The following ADAMTSL3 variants were observed in gnomAD, a reference collection of about 807,000 sequenced individuals.
ADAMTSL3 encodes ADAMTS like 3.
In ADAMTSL3, 128 loss-of-function variants were observed where a neutral mutation model predicts 201.7. That is an observed-to-expected ratio of 0.63 (90% CI 0.55 to 0.73). The LOEUF (loss-of-function observed/expected upper bound fraction) is 0.73, where lower values mean the gene tolerates loss of function less well. Among genes scored for constraint, ADAMTSL3 ranks in the 30% least tolerant of loss-of-function variants. The pLI is 0.00. For synonymous variants in ADAMTSL3, 738 were observed against 748.4 expected (o/e 0.99, Z 0.23); for missense variants, 1,990 against 2,119.6 (o/e 0.94, Z 1.20).
At chr15:83,717,024 T>C (rs2062029316) in intron 3 of ADAMTSL3, among the ~76,000 whole-genome samples, 1 of 152,226 alleles carries the variant, frequency 6.6e-6, no homozygotes, top group African/African-American at 2.4e-5. Flanking sequence ...AATAGAGCTA[T>C]GATATATTGT....
chr15:83,745,340 G>A (rs2062527947), intron 3 of ADAMTSL3, among the ~76,000 whole-genome samples: 1 of 152,206 alleles, frequency 6.6e-6, no homozygotes, highest in African/African-American at 2.4e-5. Flanking sequence ...GGATGCTAAA[G>A]GCTGTCATGC....
chr15:83,756,600 C>G (rs1024538133), intron 3 of ADAMTSL3, among the ~76,000 whole-genome samples: 18 of 50,908 alleles, frequency 3.5e-4, no homozygotes, highest in Non-Finnish European at 6.8e-4. Flanking sequence ...TTCACCCCTG[C>G]CCCCCCCCCA....
chr15:83,690,617 T>A (rs911075722), intron 2 of ADAMTSL3, among the ~76,000 whole-genome samples: 1 of 152,200 alleles, frequency 6.6e-6, no homozygotes, highest in Admixed American at 6.5e-5. Flanking sequence ...TTCTTCCCTG[T>A]CTTGGATAGT....
chr15:84,001,543 C>T (rs891966616), intron 23 of ADAMTSL3, among the ~76,000 whole-genome samples: 9 of 152,134 alleles, frequency 5.9e-5, no homozygotes, highest in Non-Finnish European at 8.8e-5. Context: ...CTGTGTGACT[C>T]CAAAGGAGCT....
At chr15:83,714,250 T>C (rs1365116041) in intron 3 of ADAMTSL3, among the ~76,000 whole-genome samples, 1 of 152,170 alleles carries the variant, frequency 6.6e-6, no homozygotes, top group Non-Finnish European at 1.5e-5. Context: ...TCAATGAAAC[T>C]GGTAGCCTGA....
chr15:83,884,565 G>A (rs1330267363), intron 9 of ADAMTSL3, among the ~76,000 whole-genome samples: 2 of 151,988 alleles, frequency 1.3e-5, no homozygotes, highest in African/African-American at 4.8e-5. Context: ...GTGAGCCACC[G>A]TGCCTGGCCC....
chr15:83,724,315 G>A (rs540470849), intron 3 of ADAMTSL3, among the ~76,000 whole-genome samples: 1 of 151,966 alleles, frequency 6.6e-6, no homozygotes, highest in East Asian at 1.9e-4. Flanking sequence ...GCCCAGGATG[G>A]TCTCGATCTC....
intron 13 of ADAMTSL3, among the ~76,000 whole-genome samples, chr15:83,896,073 G>A (rs74857550): frequency 3.0e-4 from 45 of 152,288 alleles, no homozygotes; most frequent in African/African-American, 1.0e-3. Flanking sequence ...CCGTGGCTTT[G>A]GCAATAGATG....
intron 9 of ADAMTSL3, among the ~76,000 whole-genome samples, chr15:83,879,302 T>C (rs1219358774): frequency 6.6e-6 from 1 of 152,158 alleles, no homozygotes; most frequent in Non-Finnish European, 1.5e-5. Flanking sequence ...TTAGATCCCA[T>C]AGGCTGTTTT....
intron 23 of ADAMTSL3, among the ~76,000 whole-genome samples, chr15:83,998,578 G>T (rs1014618270): frequency 1.3e-5 from 2 of 152,306 alleles, no homozygotes; most frequent in East Asian, 3.9e-4. Context: ...CAAGTTCACT[G>T]GGGGGAAAGT....
chr15:83,986,357 T>C (rs890401457), intron 21 of ADAMTSL3, among the ~76,000 whole-genome samples: 1 of 152,202 alleles, frequency 6.6e-6, no homozygotes, highest in Admixed American at 6.5e-5. Flanking sequence ...TTAAATAGAT[T>C]GACTTGATGG....
chr15:83,801,657 T>TATATAAATATAA (rs1251015088), intron 4 of ADAMTSL3, among the ~76,000 whole-genome samples: 1 of 33,136 alleles, frequency 3.0e-5, no homozygotes, highest in African/African-American at 1.1e-4. Context: ...TATAAATATA[T>TATATAAATATAA]ATATATATAT....
chr15:83,920,419 C>G (rs542442657), intron 16 of ADAMTSL3, among the ~76,000 whole-genome samples: 1 of 152,304 alleles, frequency 6.6e-6, no homozygotes, highest in African/African-American at 2.4e-5. Flanking sequence ...CAGCTGTCTC[C>G]TCAATTGGTT....
intron 6 of ADAMTSL3, among the ~76,000 whole-genome samples, chr15:83,831,411 A>G (rs974564942): frequency 6.6e-6 from 1 of 152,188 alleles, no homozygotes; most frequent in Non-Finnish European, 1.5e-5. Flanking sequence ...GAAAGATACA[A>G]CTACAGCCAG....
Position 83,942,889 on chromosome 15 carries a change from T to C in ADAMTSL3, c.2311-14T>C. On this transcript the variant is annotated splice_polypyrimidine_tract_variant and intron_variant, in intron 18 of 29. Coordinates refer to ENST00000286744, the MANE Select transcript of ADAMTSL3 (RefSeq NM_207517.3). ...GGGCCAAGCCTGCCGCCTCACCCCCTCTTGTCTTCTTAGTGTTCCAGGACT... is the reference window on the plus strand; with the variant it reads ...GGGCCAAGCCTGCCGCCTCACCCCCCCTTGTCTTCTTAGTGTTCCAGGACT... 3.7e-6 allele frequency: 6 copies of C among 1,609,776 alleles called. No homozygotes were observed. The highest frequency in any genetic ancestry group is 5.1e-6 in the Non-Finnish European group (6 of 1,177,892).
chr15:83,918,873 T>C (rs530520353), intron 16 of ADAMTSL3, among the ~76,000 whole-genome samples: 1 of 152,234 alleles, frequency 6.6e-6, no homozygotes, highest in African/African-American at 2.4e-5. Context: ...TAGGAAGCTA[T>C]TGCCTATTCC....
intron 7 of ADAMTSL3, among the ~76,000 whole-genome samples, chr15:83,850,984 A>G (rs2064600332): frequency 6.6e-6 from 1 of 152,188 alleles, no homozygotes; most frequent in South Asian, 2.1e-4. Flanking sequence ...CTCACAGTCT[A>G]GCAGTATCAG....
chr15:83,825,141 C>T (rs1229365929), intron 6 of ADAMTSL3, among the ~76,000 whole-genome samples: 1 of 151,768 alleles, frequency 6.6e-6, no homozygotes, highest in Non-Finnish European at 1.5e-5. Flanking sequence ...CAAAGCTTAC[C>T]ATATAATTCT....
At chr15:83,781,447 A>G (rs2063166294) in intron 4 of ADAMTSL3, among the ~76,000 whole-genome samples, 1 of 152,228 alleles carries the variant, frequency 6.6e-6, no homozygotes, top group Admixed American at 6.5e-5. Context: ...TATACATCAT[A>G]TACAAAAATT....
Sources: gnomAD v4.1 joint callset for allele counts (sites outside exome capture counted in the v4.1 genomes callset) on GRCh38, gnomAD v4.1.1 for gene constraint, MANE v1.5 for transcripts, NCBI Gene and HGNC (gene_info 2026-07-23, HGNC 2026-07-21) for gene names.